PCDHGB2: variants seen among roughly 807,000 people sequenced by gnomAD.
The protein encoded by PCDHGB2 is protocadherin gamma subfamily B, 2, also known as protocadherin gamma-B2.
In PCDHGB2, 55 loss-of-function variants were observed where a neutral mutation model predicts 59.3. The observed-to-expected ratio is 0.93, with a 90% confidence interval of 0.75 to 1.16. The LOEUF is 1.16. Among genes scored for constraint, PCDHGB2 ranks in the 50% most tolerant of loss-of-function variants. PCDHGB2 has a pLI of 0.00. For synonymous variants in PCDHGB2, 516 were observed against 512.0 expected, an observed-to-expected ratio of 1.01 and a Z score of -0.11; for missense variants, 1,228 against 1,198.5, an observed-to-expected ratio of 1.02 and a Z score of -0.36.
chr5:141,405,568 T>C, intron 1 of PCDHGB2: 1 of 606,666 alleles, frequency 1.6e-6, no homozygotes, highest in South Asian at 2.1e-5. Context: ...GGGACTAGAG[T>C]AGAGTAGCTG....
intron 1 of PCDHGB2, chr5:141,426,675 C>T: frequency 2.3e-6 from 1 of 431,942 alleles, no homozygotes; most frequent in South Asian, 1.6e-5. Flanking sequence ...TAACCCACCT[C>T]ATTTTCCCCA....
At chr5:141,436,959 G>A (rs1385958934) in intron 1 of PCDHGB2, among the ~76,000 whole-genome samples, 1 of 152,120 alleles carries the variant, frequency 6.6e-6, no homozygotes, top group Non-Finnish European at 1.5e-5. Context: ...TCTAAACAAG[G>A]ATCTTGTGAA....
At chr5:141,510,139 G>T (rs931012964) in intron 3 of PCDHGB2, among the ~76,000 whole-genome samples, 1 of 152,136 alleles carries the variant, frequency 6.6e-6, no homozygotes, top group Non-Finnish European at 1.5e-5. Context: ...CTGGGCTAGT[G>T]GTGTGCACCT....
Position 141,362,193 on chromosome 5 carries a change from A to G in PCDHGB2, c.2058A>G (p.Ala686=), listed in dbSNP as rs747599782. ...SDRREPSDPQ[A]KLQFYLVVAL... ...GCCGGGAGCCCTCTGACCCCCAGGC[A>G]AAACTGCAGTTTTACCTGGTTGTGG... The change falls in exon 1 of 4, where the codon GCA becomes GCG. Residue 686 remains alanine (A), a synonymous_variant. Transcript: ENST00000522605. The G allele has an allele frequency of 3.3e-5, 54 of 1,613,866 alleles. No homozygotes were observed. Among genetic ancestry groups the G allele is most frequent in the Middle Eastern group, 1.6e-4 (1 of 6,084 alleles).
At chr5:141,401,835 T>C (rs983491795) in intron 1 of PCDHGB2, among the ~76,000 whole-genome samples, 2 of 152,326 alleles carry the variant, frequency 1.3e-5, no homozygotes, top group South Asian at 4.1e-4. Context: ...AGATTTCTTA[T>C]AATACCACTT....
rs545544226 is a variant in PCDHGB2, at chr5:141,376,066, C to T, written c.2421+13510C>T. 2.3e-5 allele frequency: 37 copies of T among 1,613,396 alleles called. 2 individuals are homozygous for T. The South Asian group carries it at 3.6e-4, about 16-fold the overall frequency. ...CTCTCTCCGCCACTGTCACGCTCACCGTGGCCGTGGCCGACAGGATCCCCG... is the reference window on the plus strand; with the variant it reads ...CTCTCTCCGCCACTGTCACGCTCACTGTGGCCGTGGCCGACAGGATCCCCG... On this transcript the variant is annotated intron_variant, in intron 1 of 3. Transcript: ENST00000522605.
At chr5:141,389,631 G>A (rs1390648430) in intron 1 of PCDHGB2, 15 of 1,612,998 alleles carry the variant, frequency 9.3e-6, no homozygotes, top group African/African-American at 1.3e-5. Flanking sequence ...TGCAGAGCCT[G>A]GCTACTTGGT....
intron 2 of PCDHGB2, among the ~76,000 whole-genome samples, chr5:141,498,068 A>G (rs765582921): frequency 6.6e-6 from 1 of 152,244 alleles, no homozygotes; most frequent in Non-Finnish European, 1.5e-5. Context: ...TGAAACTGTC[A>G]TAAGTGCTAG....
intron 1 of PCDHGB2, chr5:141,404,898 A>G (rs760424169): frequency 1.9e-6 from 3 of 1,613,714 alleles, no homozygotes; most frequent in Non-Finnish European, 2.5e-6. Context: ...GTACAGGACC[A>G]TGGCCAGCCC....
rs1355278714 is a variant in PCDHGB2 at position 141,398,651 on chromosome 5, A to G, written c.2421+36095A>G. 10 of 1,613,998 alleles carry G rather than the reference A, an allele frequency of 6.2e-6. No homozygotes were observed. The South Asian group carries it at 1.1e-4, about 18-fold the overall frequency. On this transcript the variant is annotated intron_variant, in intron 1 of 3. Coordinates refer to ENST00000522605, the MANE Select transcript of PCDHGB2 (RefSeq NM_018923.3). ...CTGCAGAAGTATAAACTCTCTCTTA[A>G]CCCAAGTTTCTCATTAATAATTAAG... is the stretch of plus-strand genomic sequence containing the variant.
At position 141,375,547 on chromosome 5, in the gene PCDHGB2, C is replaced by T. The variant is rs1261585486; in HGVS notation, c.2421+12991C>T. ...ACGTGGACCAGAACGCCCAAGTCTC[C>T]TACTCACTGGCAGAAGACACCCTCC... is the stretch of plus-strand genomic sequence containing the variant. On this transcript the variant is annotated intron_variant, in intron 1 of 3. Coordinates refer to ENST00000522605, the MANE Select transcript of PCDHGB2 (RefSeq NM_018923.3). 6 of 1,613,922 alleles carry T rather than the reference C, an allele frequency of 3.7e-6. No individual in the cohort carries two copies. In the African/African-American group the frequency reaches 8.0e-5, roughly 22 times the overall value.
intron 1 of PCDHGB2, chr5:141,418,454 A>G (rs1211470387): frequency 3.1e-6 from 5 of 1,613,774 alleles, no homozygotes; most frequent in Non-Finnish European, 3.4e-6. Flanking sequence ...ATTGCAGAAG[A>G]CTCTGGACCG....
At chr5:141,392,806 A>C (rs2092599321) in intron 1 of PCDHGB2, 1 of 1,576,662 alleles carries the variant, frequency 6.3e-7, no homozygotes, top group Non-Finnish European at 8.6e-7. Flanking sequence ...TTCTGCAGCA[A>C]AACAACAATG....
intron 1 of PCDHGB2, chr5:141,441,943 C>CT: frequency 1.2e-5 from 4 of 336,004 alleles, no homozygotes; most frequent in South Asian, 1.1e-4. Flanking sequence ...CTACCACGTG[C>CT]TGCAGGCCAG....
At chr5:141,460,455 A>G (rs1021070289) in intron 1 of PCDHGB2, among the ~76,000 whole-genome samples, 2 of 152,080 alleles carry the variant, frequency 1.3e-5, no homozygotes, top group African/African-American at 4.8e-5. Context: ...GAAGATTCAT[A>G]TTTTTTTCCA....
intron 1 of PCDHGB2, among the ~76,000 whole-genome samples, chr5:141,461,968 C>A (rs2099027589): frequency 6.6e-6 from 1 of 152,204 alleles, no homozygotes; most frequent in African/African-American, 2.4e-5. Context: ...GGATTCCAGG[C>A]ATATGCCACC....
intron 1 of PCDHGB2, chr5:141,418,256 T>C: frequency 1.2e-6 from 2 of 1,614,046 alleles, no homozygotes; most frequent in Non-Finnish European, 1.7e-6. Context: ...CGCCCCTCAA[T>C]TCCGGAAAGA....
At chr5:141,454,870 C>T (rs2098805291) in intron 1 of PCDHGB2, among the ~76,000 whole-genome samples, 1 of 131,902 alleles carries the variant, frequency 7.6e-6, no homozygotes, top group Non-Finnish European at 1.5e-5. Context: ...TGCAGTGGCA[C>T]GATCTTGGCT....
chr5:141,428,169 G>A (rs758370904), intron 1 of PCDHGB2: 1 of 1,540,076 alleles, frequency 6.5e-7, no homozygotes, highest in Non-Finnish European at 8.9e-7. Flanking sequence ...GTTGCTGTGC[G>A]TGACGGAGGA....
Sources: allele counts gnomAD v4.1 joint callset (sites outside exome capture counted in the v4.1 genomes callset), GRCh38; gene constraint gnomAD v4.1.1; transcripts MANE v1.5; gene names NCBI Gene and HGNC (gene_info 2026-07-23, HGNC 2026-07-21).